The following RAPSN variants were observed in gnomAD, a reference collection of about 807,000 sequenced individuals.
The protein encoded by RAPSN is 43 kDa receptor-associated protein of the synapse.
In RAPSN, 33 loss-of-function variants were observed where a neutral mutation model predicts 45.7. The observed-to-expected ratio is 0.72, with a 90% confidence interval of 0.55 to 0.97. RAPSN has a LOEUF of 0.97. Among genes scored for constraint, RAPSN ranks in the 50% least tolerant of loss-of-function variants. The pLI is 0.00. For synonymous variants in RAPSN, 244 were observed against 233.6 expected, an observed-to-expected ratio of 1.04 and a Z score of -0.40; for missense variants, 519 against 559.4, an observed-to-expected ratio of 0.93 and a Z score of 0.73.
rs1283625567 is a variant in RAPSN, at chr11:47,448,895, T to C, written c.70A>G (p.Lys24Glu). Residue 24 changes from lysine to glutamate, a missense_variant, in exon 1 of 8, where the codon AAG (lysine) becomes GAG (glutamate). Physicochemically the swap from Lys to Glu is moderately conservative, Grantham distance 56. Coordinates refer to ENST00000298854, the MANE Select transcript of RAPSN (RefSeq NM_005055.5). ...LQLYQSNQTE[K>E]ALQVWTKVLE... ...ACCTTTGTCCACACCTGCAATGCCT[T>C]CTCTGTCTGGTTGGACTGGTACAGC... The C allele has an allele frequency of 1.9e-5, 31 of 1,614,062 alleles. No homozygotes were observed. The highest frequency in any genetic ancestry group is 2.7e-5 in the African/African-American group (2 of 74,936).
intron 2 of RAPSN, among the ~76,000 whole-genome samples, chr11:47,443,045 C>G (rs564767451): frequency 2.0e-5 from 3 of 152,318 alleles, no homozygotes; most frequent in East Asian, 3.9e-4. Context: ...ATCCCAAGAG[C>G]CTAGCACAGT....
At chr11:47,441,965 C>T (rs954914916) in intron 3 of RAPSN, 44 bp from the exon 4 acceptor site, 2 of 1,526,364 alleles carry the variant, frequency 1.3e-6, no homozygotes, top group African/African-American at 2.7e-5. Flanking sequence ...TCTGCCACCA[C>T]CACTGGAGTG....
intron 6 of RAPSN, among the ~76,000 whole-genome samples, chr11:47,440,956 T>C (rs2076357220): frequency 6.6e-6 from 1 of 152,176 alleles, no homozygotes; most frequent in African/African-American, 2.4e-5. Flanking sequence ...TCTGCTATCC[T>C]CCAAGCTATG....
rs1490743234 is a variant in RAPSN, at chr11:47,437,789, A to G, written c.*186T>C. 9 of 739,304 alleles carry G rather than the reference A, an allele frequency of 1.2e-5. No individual in the cohort carries two copies. Among genetic ancestry groups the G allele is most frequent in the Non-Finnish European group, 2.1e-5 (9 of 430,654 alleles). 45.8% of individuals were successfully genotyped at this position (739,304 alleles called of 1,614,324 possible). A position where few individuals can be genotyped will look rare whatever the true frequency, so the allele number is the denominator to read the frequency against. On this transcript the variant is annotated 3_prime_UTR_variant, in exon 8 of 8. Coordinates refer to ENST00000298854, the MANE Select transcript of RAPSN (RefSeq NM_005055.5). Reference sequence around the variant, plus strand: ...CCAGGTACAAACAGTTTATTTTTCTATAAAGAGCAAAGTACAAAGAGGCAG... The same window carrying G: ...CCAGGTACAAACAGTTTATTTTTCTGTAAAGAGCAAAGTACAAAGAGGCAG...
chr11:47,448,272 A>G lies in RAPSN; in HGVS notation c.193-122T>C, dbSNP rs1042483572. 8.7e-6 allele frequency: 9 copies of G among 1,037,946 alleles called. No individual in the cohort carries two copies. In the East Asian group the frequency reaches 2.3e-4, roughly 26 times the overall value. 64.3% of individuals were successfully genotyped at this position (1,037,946 alleles called of 1,614,324 possible). A position where few individuals can be genotyped will look rare whatever the true frequency, so the allele number is the denominator to read the frequency against. On this transcript the variant is annotated intron_variant, in intron 1 of 7. Transcript: ENST00000298854. ...CACCCCCCAGCCTCACACCCAAAGC[A>G]GCAGATCCCAAAGCTTCTTTTCAGA...
chr11:47,443,115 A>G (rs1015655576), intron 2 of RAPSN, among the ~76,000 whole-genome samples: 1 of 152,204 alleles, frequency 6.6e-6, no homozygotes, highest in African/African-American at 2.4e-5. Flanking sequence ...AAAAGACAAG[A>G]AAACACAGTT....
In RAPSN at chr11:47,447,950, A is replaced by G. The variant is rs767355115; in HGVS notation, c.393T>C (p.Asn131=). Residue 131 remains asparagine (N), a synonymous_variant, in exon 2 of 8, where the codon AAT becomes AAC. Transcript: ENST00000298854. ...GGAAGACGCTGAGGCCCAGGAAGGC[A>G]TTGCCCATGCTCAGGCTGACCTGGC... ...LGGQVSLSMG[N]AFLGLSVFQK... is the part of the protein sequence containing the mutation. 4 of 1,613,784 alleles carry G rather than the reference A, an allele frequency of 2.5e-6. No homozygotes were observed. The Admixed American group carries it at 6.7e-5, about 27-fold the overall frequency.
At position 47,448,039 on chromosome 11, in the gene RAPSN, T is replaced by C; in HGVS notation, c.304A>G (p.Thr102Ala). The change falls in exon 2 of 8, where the codon ACC becomes GCC. Residue 102 changes from threonine (T) to alanine (A), a missense_variant. Physicochemically the swap from Thr to Ala is moderately conservative, Grantham distance 58. Coordinates refer to ENST00000298854, the MANE Select transcript of RAPSN (RefSeq NM_005055.5). ...AGGCAGGTCTTGCAGTAGGAGATGG[T>C]CTTGTGAAACTCGCACAGCTTCTCG... ...SNEKLCEFHK[T>A]ISYCKTCLGL... The C allele has an allele frequency of 6.2e-7, 1 of 1,613,958 alleles. No individual in the cohort carries two copies. The highest frequency in any genetic ancestry group is 8.5e-7 in the Non-Finnish European group (1 of 1,179,990).
At position 47,448,884 on chromosome 11, in the gene RAPSN, C is replaced by G; in HGVS notation, c.81G>C (p.Gln27His). Residue 27 changes from glutamine (Q) to histidine (H), a missense_variant, in exon 1 of 8, where the codon CAG (glutamine) becomes CAC (histidine). Coordinates refer to ENST00000298854, the MANE Select transcript of RAPSN (RefSeq NM_005055.5). ...YQSNQTEKAL[Q>H]VWTKVLEKSS... is the part of the protein sequence containing the mutation. Reference sequence around the variant, plus strand: ...TCTTCTCCAGCACCTTTGTCCACACCTGCAATGCCTTCTCTGTCTGGTTGG... The same window carrying G: ...TCTTCTCCAGCACCTTTGTCCACACGTGCAATGCCTTCTCTGTCTGGTTGG... 2 of 1,614,250 alleles carry G rather than the reference C, an allele frequency of 1.2e-6. No individual in the cohort carries two copies. Among genetic ancestry groups the G allele is most frequent in the Non-Finnish European group, 1.7e-6 (2 of 1,180,044 alleles).
At chr11:47,442,067 C>A in intron 3 of RAPSN, 146 bp from the exon 4 acceptor site, 1 of 844,322 alleles carries the variant, frequency 1.2e-6, no homozygotes, top group Non-Finnish European at 1.9e-6. Flanking sequence ...AGGGCTCACA[C>A]ACTGAACCAC....
At position 47,448,956 on chromosome 11, in the gene RAPSN, C is replaced by T; in HGVS notation, c.9G>A (p.Gln3=). 1 of 1,614,266 alleles carries T rather than the reference C, an allele frequency of 6.2e-7. No homozygotes were observed. Among genetic ancestry groups the T allele is most frequent in the Non-Finnish European group, 8.5e-7 (1 of 1,180,052 alleles). The change falls in exon 1 of 8, where the codon CAG becomes CAA. Residue 3 remains glutamine, a synonymous_variant. Coordinates refer to ENST00000298854, the MANE Select transcript of RAPSN (RefSeq NM_005055.5). MG[Q]DQTKQQIEKG... is the part of the protein sequence containing the mutation. ...TCTCGATCTGCTGCTTGGTCTGGTC[C>T]TGCCCCATCCTCCCCAAGCCCTGTG... is the stretch of plus-strand genomic sequence containing the variant.
chr11:47,449,122 C>T lies in RAPSN; in HGVS notation c.-158G>A, dbSNP rs550897583. ...GAATGGGGCCTGGATGGAGAGCAGGCGCCACCCTGGGAACAAAGCTGGTTC... is the reference window on the plus strand; with the variant it reads ...GAATGGGGCCTGGATGGAGAGCAGGTGCCACCCTGGGAACAAAGCTGGTTC... On this transcript the variant is annotated 5_prime_UTR_variant, in exon 1 of 8. Coordinates refer to ENST00000298854, the MANE Select transcript of RAPSN (RefSeq NM_005055.5). 11 of 857,382 alleles carry T rather than the reference C, an allele frequency of 1.3e-5. No individual in the cohort carries two copies. The highest frequency in any genetic ancestry group is 5.8e-5 in the South Asian group (4 of 69,162). 53.1% of individuals were successfully genotyped at this position (857,382 alleles called of 1,614,324 possible). A position where few individuals can be genotyped will look rare whatever the true frequency, so the allele number is the denominator to read the frequency against.
intron 1 of RAPSN, 88 bp from the exon 2 acceptor site, chr11:47,448,238 C>T: frequency 7.3e-7 from 1 of 1,370,878 alleles, no homozygotes; most frequent in Non-Finnish European, 1.0e-6. Flanking sequence ...GACCTGGAGG[C>T]CCCACACCCA....
chr11:47,441,071 T>G lies in RAPSN; in HGVS notation c.966+88A>C, dbSNP rs2076358199. ...CCAGCATCAGGAAGGGCTCATGACG[T>G]GAGTAGGCTCAGGAAGGCCCTTCCC... On this transcript the variant is annotated intron_variant, in intron 6 of 7. Transcript: ENST00000298854. 4 of 1,534,008 alleles carry G rather than the reference T, an allele frequency of 2.6e-6. No individual in the cohort carries two copies. The East Asian group carries it at 9.0e-5, about 35-fold the overall frequency.
chr11:47,437,922 A>G lies in RAPSN; in HGVS notation c.*53T>C, dbSNP rs1484377824. 1.3e-6 allele frequency: 2 copies of G among 1,547,078 alleles called. No individual in the cohort carries two copies. Among genetic ancestry groups the G allele is most frequent in the African/African-American group, 1.4e-5 (1 of 72,948 alleles). ...AGGAGTAAATGGGCCTCTGGCGTGC[A>G]GTGGAGAAAGAGCAGGAGTGGCGAG... On this transcript the variant is annotated 3_prime_UTR_variant, in exon 8 of 8. Transcript: ENST00000298854.
At chr11:47,447,729 T>G in intron 2 of RAPSN, 83 bp downstream of exon 2, 45 of 1,430,466 alleles carry the variant, frequency 3.1e-5, no homozygotes, top group Non-Finnish European at 4.0e-5. Flanking sequence ...GAGGGCTGAA[T>G]GAGGTAGTGC....
rs141877523 is a variant in RAPSN, at chr11:47,448,127, C to T, written c.216G>A (p.Thr72=). 7.6e-5 allele frequency: 123 copies of T among 1,612,868 alleles called. No individual in the cohort carries two copies. In the East Asian group the frequency reaches 9.8e-4, roughly 13 times the overall value. The change falls in exon 2 of 8, where the codon ACG becomes ACA. Residue 72 remains threonine, a synonymous_variant. Transcript: ENST00000298854. ...MLKFAVVQID[T]ARELEDADFL... ...AGTCGGCATCCTCCAGCTCCCGGGC[C>T]GTGTCGATCTGGACCACAGCGAACT...
At position 47,441,779 on chromosome 11, in the gene RAPSN, G is replaced by A. The variant is rs377137020; in HGVS notation, c.789+44C>T. The A allele has an allele frequency of 6.6e-5, 104 of 1,584,492 alleles. 1 individual carries two copies. The highest frequency in any genetic ancestry group is 8.6e-5 in the Non-Finnish European group (101 of 1,170,974). ...TGGAATCAGGCTGTATCAGGCCTGT[G>A]CCCCTGCCCCCTGCCCCCAGCCCCT... On this transcript the variant is annotated intron_variant, in intron 4 of 7. Transcript: ENST00000298854.
At chr11:47,447,261 C>G (rs1046565943) in intron 2 of RAPSN, among the ~76,000 whole-genome samples, 1 of 152,138 alleles carries the variant, frequency 6.6e-6, no homozygotes, top group African/African-American at 2.4e-5. Context: ...AGCCCTTTGC[C>G]CCGCTTCGCT....
Sources: gnomAD v4.1 joint callset for allele counts (sites outside exome capture counted in the v4.1 genomes callset) on GRCh38, gnomAD v4.1.1 for gene constraint, MANE v1.5 for transcripts, NCBI Gene and HGNC (gene_info 2026-07-23, HGNC 2026-07-21) for gene names.